The following SIMC1 variants were observed in gnomAD, a reference collection of about 807,000 sequenced individuals.
SIMC1 encodes SUMO-interacting motif-containing protein 1.
Under a neutral mutation model 82.3 loss-of-function variants are expected in SIMC1, and 55 were observed. The observed-to-expected ratio is 0.67, with a 90% confidence interval of 0.54 to 0.84. The LOEUF (loss-of-function observed/expected upper bound fraction) is 0.84. Among genes scored for constraint, SIMC1 ranks in the 40% least tolerant of loss-of-function variants. The pLI is 0.00. For synonymous variants in SIMC1, 353 were observed against 426.3 expected (o/e 0.83, Z 2.12); for missense variants, 915 against 1,107.2 (o/e 0.83, Z 2.46).
intron 1 of SIMC1, among the ~76,000 whole-genome samples, chr5:176,288,838 T>C (rs1037798007): frequency 6.6e-6 from 1 of 152,140 alleles, no homozygotes; most frequent in African/African-American, 2.4e-5. Context: ...GGTAGAGCAA[T>C]ATTTTTCCAG....
chr5:176,282,329 TCTGTCACCCCTTTCTTTGACTAG>T (rs887811913), intron 1 of SIMC1, among the ~76,000 whole-genome samples: 3 of 152,298 alleles, frequency 2.0e-5, no homozygotes, highest in African/African-American at 7.2e-5. Flanking sequence ...CCAGGTGCCG[TCTGTCACCCCTTTCTTTGACTAG>T]GAAAGGGAAC....
chr5:176,336,582 T>G (rs1484069686), intron 7 of SIMC1, 138 bp from the exon 8 acceptor site: 2 of 1,208,990 alleles, frequency 1.7e-6, no homozygotes, highest in Non-Finnish European at 2.3e-6. Context: ...ACAGGTTTTG[T>G]GATTCTGTGG....
intron 1 of SIMC1, among the ~76,000 whole-genome samples, chr5:176,275,850 G>A (rs977827106): frequency 2.0e-5 from 3 of 151,682 alleles, no homozygotes; most frequent in African/African-American, 7.3e-5. Flanking sequence ...TAAGCTTTTT[G>A]ATGTGCTGCT....
intron 2 of SIMC1, among the ~76,000 whole-genome samples, chr5:176,291,255 C>A (rs1044451693): frequency 1.3e-5 from 2 of 151,096 alleles, no homozygotes; most frequent in South Asian, 2.1e-4. Context: ...CCTCCGCCTC[C>A]CAGGTTCAAG....
rs544017086 is a variant in SIMC1, at chr5:176,304,402, C to T, written c.1734+8082C>T. On this transcript the variant is annotated intron_variant, in intron 4 of 9. Transcript: ENST00000429602. ...CGGGGTTTCGCTGTGTTGGCCGGGC[C>T]GGTCTCCAGCCCCTAACCGCGAGTG... 3.2e-3 allele frequency: 558 copies of T among 175,766 alleles called. 1 individual carries two copies. The highest frequency in any genetic ancestry group is 0.013 in the African/African-American group (521 of 41,628). 10.9% of individuals were successfully genotyped at this position (175,766 alleles called of 1,614,324 possible). A position where few individuals can be genotyped will look rare whatever the true frequency, so the allele number is the denominator to read the frequency against.
Position 176,290,915 on chromosome 5 carries a change from T to C in SIMC1, c.1391T>C (p.Leu464Pro). The change falls in exon 2 of 10, where the codon CTC (leucine) becomes CCC (proline). Residue 464 changes from leucine to proline, a missense_variant. Leu to Pro is a moderately conservative substitution (Grantham distance 98). Coordinates refer to ENST00000429602, the MANE Select transcript of SIMC1 (RefSeq NM_001308195.2). ...TTCTTACGTCCTCCGGTTCATCACC[T>C]CTTCTTTCAGACGCTAATACCGGAT... The part of the protein sequence containing the change: ...KYFLRPPVHH[L>P]FFQTLIPDKD... The C allele has an allele frequency of 1.2e-6, 2 of 1,608,694 alleles. No homozygotes were observed. The highest frequency in any genetic ancestry group is 1.7e-5 in the Admixed American group (1 of 59,586).
chr5:176,312,654 C>T (rs552602712), intron 4 of SIMC1, among the ~76,000 whole-genome samples: 1 of 151,894 alleles, frequency 6.6e-6, no homozygotes, highest in East Asian at 1.9e-4. Flanking sequence ...AAGATATTGT[C>T]ACCTCCTCCC....
At chr5:176,319,147 G>A (rs759198648) in intron 5 of SIMC1, among the ~76,000 whole-genome samples, 5 of 152,136 alleles carry the variant, frequency 3.3e-5, no homozygotes, top group Non-Finnish European at 7.4e-5. Flanking sequence ...TTTGATTACT[G>A]ATTCTTTGTA....
chr5:176,274,909 G>T (rs570405291), intron 1 of SIMC1, among the ~76,000 whole-genome samples: 30 of 151,980 alleles, frequency 2.0e-4, no homozygotes, highest in Admixed American at 5.9e-4. Flanking sequence ...GTCAGGTAGC[G>T]TGATGCCTCC....
chr5:176,345,663 T>TA lies in SIMC1; in HGVS notation c.*218_*219insA, dbSNP rs1484766663. ...GGCTTAAATATACAAGGTATATATA[T>TA]TTTTTAATAAATTATTTATCTATAC... On this transcript the variant is annotated 3_prime_UTR_variant, in exon 10 of 10. Coordinates refer to ENST00000429602, the MANE Select transcript of SIMC1 (RefSeq NM_001308195.2). 9.9e-6 allele frequency: 3 copies of TA among 301,818 alleles called. No homozygotes were observed. Among genetic ancestry groups the TA allele is most frequent in the East Asian group, 5.9e-5 (1 of 16,986 alleles). The allele number at this position is 301,818 out of a possible 1,614,324, so 18.7% of individuals were successfully genotyped here. A position where few individuals can be genotyped will look rare whatever the true frequency, so the allele number is the denominator to read the frequency against.
At chr5:176,277,830 C>T (rs1341675698) in intron 1 of SIMC1, among the ~76,000 whole-genome samples, 12 of 151,664 alleles carry the variant, frequency 7.9e-5, no homozygotes, top group African/African-American at 2.9e-4. Context: ...GTACCAGTAC[C>T]ATGCTGTTTT....
chr5:176,275,155 G>A (rs1447162624), intron 1 of SIMC1, among the ~76,000 whole-genome samples: 1 of 151,528 alleles, frequency 6.6e-6, no homozygotes, highest in Non-Finnish European at 1.5e-5. Flanking sequence ...ATTTCCTTGA[G>A]CAGTGGTTTG....
chr5:176,276,019 A>G lies in SIMC1; in HGVS notation c.130-13635A>G, dbSNP rs191698985. Among the ~76,000 whole-genome samples the G allele has an allele frequency of 1.1e-4, 17 of 151,566 alleles. No homozygotes were observed. In the East Asian group the frequency reaches 2.1e-3, roughly 19 times the overall value. ...GTTAGGGAGGATTCCCTCATTTTCT[A>G]TTGATTGGAATAGTTTCAGAAGGAA... On this transcript the variant is annotated intron_variant, in intron 1 of 9. Coordinates refer to ENST00000429602, the MANE Select transcript of SIMC1 (RefSeq NM_001308195.2).
intron 1 of SIMC1, among the ~76,000 whole-genome samples, chr5:176,289,135 A>G (rs1299084387): frequency 6.6e-6 from 1 of 152,200 alleles, no homozygotes; most frequent in African/African-American, 2.4e-5. Context: ...ACTTAGCTGT[A>G]TAATCTTAAG....
chr5:176,279,700 C>G (rs376382354), intron 1 of SIMC1, among the ~76,000 whole-genome samples: 2,238 of 150,880 alleles, frequency 0.015, 22 homozygotes, highest in Non-Finnish European at 0.02. Flanking sequence ...TTTCAAAGAA[C>G]ATCTTTATTT....
At chr5:176,334,889 C>T (rs1228355437) in intron 7 of SIMC1, among the ~76,000 whole-genome samples, 4 of 152,066 alleles carry the variant, frequency 2.6e-5, no homozygotes, top group Non-Finnish European at 2.9e-5. Context: ...GTCAGGAGTT[C>T]GAGACCAGCC....
rs1338329495 is a variant in SIMC1, at chr5:176,238,557, G to A, written c.49G>A (p.Gly17Arg). The change falls in exon 1 of 10, where the codon GGG becomes AGG. Residue 17 changes from glycine (G) to arginine (R), a missense_variant. Coordinates refer to ENST00000429602, the MANE Select transcript of SIMC1 (RefSeq NM_001308195.2). ...ISDDSGSESSGGARPGRSRRP... is the reference protein window; with the variant it reads ...ISDDSGSESSRGARPGRSRRP... ...GGACGACAGCGGCTCTGAGAGCTCC[G>A]GGGGCGCCCGCCCGGGCCGGTCGCG... 8.3e-6 allele frequency: 11 copies of A among 1,318,868 alleles called. No individual in the cohort carries two copies. Among genetic ancestry groups the A allele is most frequent in the South Asian group, 3.8e-5 (2 of 52,598 alleles). 81.7% of individuals were successfully genotyped at this position (1,318,868 alleles called of 1,614,324 possible).
intron 4 of SIMC1, among the ~76,000 whole-genome samples, chr5:176,300,505 G>A: frequency 6.7e-6 from 1 of 149,942 alleles, no homozygotes; most frequent in East Asian, 2.0e-4. Flanking sequence ...ATTTTTTGTC[G>A]AGGTGGGAAT....
At chr5:176,301,636 G>A (rs1350891112) in intron 4 of SIMC1, among the ~76,000 whole-genome samples, 2 of 152,024 alleles carry the variant, frequency 1.3e-5, no homozygotes, top group African/African-American at 2.4e-5. Flanking sequence ...AAAATTAACC[G>A]AGTATGGTGG....
Sources: gnomAD v4.1 joint callset for allele counts (sites outside exome capture counted in the v4.1 genomes callset) on GRCh38, gnomAD v4.1.1 for gene constraint, MANE v1.5 for transcripts, NCBI Gene and HGNC (gene_info 2026-07-23, HGNC 2026-07-21) for gene names.